ZNF678: variants seen among roughly 807,000 people sequenced by gnomAD.
ZNF678 encodes the protein zinc finger protein 678.
In ZNF678, 5 loss-of-function variants were observed where a neutral mutation model predicts 3.0. The observed-to-expected ratio is 1.69, with a 90% CI of 0.88 to 3.56. ZNF678 has a LOEUF of 3.56. Among genes scored for constraint, ZNF678 ranks in the 30% most tolerant of loss-of-function variants. The pLI, the probability that ZNF678 is intolerant of heterozygous loss-of-function variation, is 0.00. For missense variants in ZNF678, 593 were observed against 605.0 expected, an observed-to-expected ratio of 0.98 and a Z score of 0.21; for synonymous variants, 218 against 199.6, an observed-to-expected ratio of 1.09 and a Z score of -0.78.
chr1:227,586,169 G>A (rs985385768), intron 1 of ZNF678, among the ~76,000 whole-genome samples: 6 of 151,864 alleles, frequency 4.0e-5, no homozygotes, highest in Admixed American at 1.3e-4. Context: ...CTGCAGACTG[G>A]GCAACATAGG....
chr1:227,634,927 G>C (rs997590690), intron 1 of ZNF678, among the ~76,000 whole-genome samples: 6 of 152,080 alleles, frequency 3.9e-5, no homozygotes, highest in African/African-American at 1.2e-4. Flanking sequence ...TCAGTGCTTT[G>C]CTGGCTTCAT....
chr1:227,655,740 G>A lies in ZNF678; in HGVS notation c.1490G>A (p.Gly497Asp), dbSNP rs754323679. The A allele has an allele frequency of 8.1e-6, 13 of 1,612,106 alleles. No homozygotes were observed. In the South Asian group the frequency reaches 1.3e-4, roughly 16 times the overall value. The stretch of plus-strand genomic sequence containing the variant: ...TACAAATGTAAAGAATGTGGAAAAG[G>A]TTTTTACCAATCCTCAATCCATAGT... ...KRYKCKECGKGFYQSSIHSKY... is the reference protein window; with the variant it reads ...KRYKCKECGKDFYQSSIHSKY... Residue 497 changes from glycine to aspartate, a missense_variant, in exon 4 of 4, where the codon GGT (glycine) becomes GAT (aspartate). Gly to Asp is a moderately conservative substitution (Grantham distance 94, BLOSUM62 -1). Transcript: ENST00000343776.
At chr1:227,612,811 G>A (rs919371712) in intron 1 of ZNF678, among the ~76,000 whole-genome samples, 24 of 152,246 alleles carry the variant, frequency 1.6e-4, no homozygotes, top group African/African-American at 5.5e-4. Flanking sequence ...CCCCAACAAA[G>A]AGCACGCCTC....
rs1030137272 is a variant in ZNF678, at chr1:227,563,623, G to T, written c.-265G>T. 180 of 1,218,364 alleles carry T rather than the reference G, an allele frequency of 1.5e-4. 1 individual carries two copies. The South Asian group carries it at 2.1e-3, about 14-fold the overall frequency. 75.5% of individuals were successfully genotyped at this position (1,218,364 alleles called of 1,614,324 possible). A position where few individuals can be genotyped will look rare whatever the true frequency, so the allele number is the denominator to read the frequency against. ...GGCTATTTATCCCCAGCTGCGGGAG[G>T]CCCTGGTGACTCTGCTGCTGCAGTG... On this transcript the variant is annotated 5_prime_UTR_variant, in exon 1 of 4. Coordinates refer to ENST00000343776, the MANE Select transcript of ZNF678 (RefSeq NM_001367909.1).
At chr1:227,565,588 T>A (rs2102709438) in intron 1 of ZNF678, among the ~76,000 whole-genome samples, 1 of 152,346 alleles carries the variant, frequency 6.6e-6, no homozygotes, top group East Asian at 1.9e-4. Flanking sequence ...GTGGAACTCT[T>A]TAAAGATTTG....
At chr1:227,636,301 G>C (rs570334847) in intron 1 of ZNF678, among the ~76,000 whole-genome samples, 1 of 152,074 alleles carries the variant, frequency 6.6e-6, no homozygotes, top group Non-Finnish European at 1.5e-5. Flanking sequence ...TTCTAGAACC[G>C]TTTTTCTGTT....
At chr1:227,617,725 GA>G (rs1160374554) in intron 1 of ZNF678, among the ~76,000 whole-genome samples, 1 of 152,190 alleles carries the variant, frequency 6.6e-6, no homozygotes, top group African/African-American at 2.4e-5. Flanking sequence ...GAACATGATT[GA>G]AAAATTGATG....
intron 1 of ZNF678, among the ~76,000 whole-genome samples, chr1:227,586,004 A>T (rs1335552383): frequency 1.3e-5 from 2 of 152,140 alleles, no homozygotes; most frequent in Non-Finnish European, 2.9e-5. Flanking sequence ...ACAGTATGGT[A>T]TTCAACATGT....
At position 227,579,955 on chromosome 1, in the gene ZNF678, C is replaced by G. The variant is rs150056623; in HGVS notation, c.-164+16231C>G. ...ACCCTTTGGGCTCTGCATCAGCTGGCTTGCTATCTCTACCAAGTAGGGGTT... is the reference window on the plus strand; with the variant it reads ...ACCCTTTGGGCTCTGCATCAGCTGGGTTGCTATCTCTACCAAGTAGGGGTT... On this transcript the variant is annotated intron_variant, in intron 1 of 3. Transcript: ENST00000343776. 4.5e-4 allele frequency among the ~76,000 whole-genome samples: 69 copies of G among 152,284 alleles called. 1 individual carries two copies. The highest frequency in any genetic ancestry group is 1.6e-3 in the African/African-American group (67 of 41,544).
At chr1:227,570,574 C>A (rs75929058) in intron 1 of ZNF678, among the ~76,000 whole-genome samples, 1 of 151,914 alleles carries the variant, frequency 6.6e-6, no homozygotes, top group Admixed American at 6.6e-5. Context: ...CCTGAAGCAG[C>A]CCTCCTGCCT....
At chr1:227,641,168 G>A (rs781326329) in intron 1 of ZNF678, among the ~76,000 whole-genome samples, 11 of 152,176 alleles carry the variant, frequency 7.2e-5, no homozygotes, top group Non-Finnish European at 1.0e-4. Context: ...CCTGCTCTCC[G>A]GAGTGGAGGG....
At position 227,626,216 on chromosome 1, in the gene ZNF678, G is replaced by A. The variant is rs866479102; in HGVS notation, c.-163-20328G>A. Among the ~76,000 whole-genome samples, 41 of 152,260 alleles carry A rather than the reference G, an allele frequency of 2.7e-4. No individual in the cohort carries two copies. In the Middle Eastern group the frequency reaches 0.02, roughly 76 times the overall value. ...TGTAGTTACTTTCCTCACGGTTGTC[G>A]CTTAAAGAGCAGGCACAGATCCTCT... On this transcript the variant is annotated intron_variant, in intron 1 of 3. Transcript: ENST00000343776.
chr1:227,639,367 C>T lies in ZNF678; in HGVS notation c.-163-7177C>T, dbSNP rs191228233. On this transcript the variant is annotated intron_variant, in intron 1 of 3. Transcript: ENST00000343776. ...TTTTTGCCTTTTACTTTCCCCATCACGATTGTTAAAGACTTTGAAGGGTAA... is the reference window on the plus strand; with the variant it reads ...TTTTTGCCTTTTACTTTCCCCATCATGATTGTTAAAGACTTTGAAGGGTAA... Among the ~76,000 whole-genome samples, 570 of 152,298 alleles carry T rather than the reference C, an allele frequency of 3.7e-3. 3 individuals are homozygous for T. Among genetic ancestry groups the T allele is most frequent in the African/African-American group, 0.013 (552 of 41,550 alleles).
At chr1:227,564,474 C>CAAA (rs1656617465) in intron 1 of ZNF678, among the ~76,000 whole-genome samples, 1 of 152,220 alleles carries the variant, frequency 6.6e-6, no homozygotes, top group African/African-American at 2.4e-5. Context: ...GACTGCTTTT[C>CAAA]CCCTGCATTT....
intron 3 of ZNF678, 86 bp from the exon 4 acceptor site, chr1:227,654,250 C>A: frequency 9.4e-7 from 1 of 1,061,212 alleles, no homozygotes; most frequent in Non-Finnish European, 1.3e-6. Context: ...GTTAATGTCT[C>A]TGATATAATT....
chr1:227,650,076 A>G (rs1020928014), intron 2 of ZNF678, among the ~76,000 whole-genome samples: 2 of 152,184 alleles, frequency 1.3e-5, no homozygotes, highest in African/African-American at 4.8e-5. Flanking sequence ...GTCATATTCA[A>G]AAAATCATTA....
chr1:227,596,692 A>G (rs1362582804), intron 1 of ZNF678, among the ~76,000 whole-genome samples: 2 of 147,144 alleles, frequency 1.4e-5, no homozygotes, highest in Non-Finnish European at 3.0e-5. Flanking sequence ...TGAATTCTTT[A>G]CTAGGAATGT....
At chr1:227,575,407 G>A (rs1327332734) in intron 1 of ZNF678, among the ~76,000 whole-genome samples, 2 of 151,524 alleles carry the variant, frequency 1.3e-5, no homozygotes, top group Non-Finnish European at 3.0e-5. Flanking sequence ...TGTTTGTGTT[G>A]TCTAATTTTT....
At chr1:227,674,080 C>G (rs1052287643) in intron 5 of ZNF678, among the ~76,000 whole-genome samples, 1 of 152,138 alleles carries the variant, frequency 6.6e-6, no homozygotes, top group Non-Finnish European at 1.5e-5. Context: ...AGAGAACAAC[C>G]TAAGACAGGA....
Sources: gnomAD v4.1 joint callset for allele counts (sites outside exome capture counted in the v4.1 genomes callset) on GRCh38, gnomAD v4.1.1 for gene constraint, MANE v1.5 for transcripts, NCBI Gene and HGNC (gene_info 2026-07-23, HGNC 2026-07-21) for gene names.